Variants in KDM7A observed in about 807,000 individuals in gnomAD.
KDM7A encodes lysine-specific demethylase 7A.
Under a neutral mutation model 114.8 loss-of-function variants are expected in KDM7A, and 28 were observed. The ratio of observed to expected loss-of-function variants is 0.24; its 90% CI spans 0.18 to 0.33. The LOEUF (loss-of-function observed/expected upper bound fraction) is 0.33, where lower values mean the gene tolerates loss of function less well. Among genes scored for constraint, KDM7A ranks in the 10% least tolerant of loss-of-function variants. The probability of loss-of-function intolerance (pLI) is 1.00; values close to 1 mark genes in which losing one functional copy is unlikely to be tolerated. For synonymous variants in KDM7A, 423 were observed against 397.8 expected (o/e 1.06, Z -0.75); for missense variants, 942 against 1,142.5 (o/e 0.82, Z 2.53).
intron 1 of KDM7A, among the ~76,000 whole-genome samples, chr7:140,168,567 CAA>C (rs34680636): frequency 4.5e-5 from 5 of 110,134 alleles, no homozygotes; most frequent in Admixed American, 9.4e-5. Flanking sequence ...GACTCTATCT[CAA>C]AAAAAAAAAA....
At chr7:140,169,127 C>G (rs1794610308) in intron 1 of KDM7A, among the ~76,000 whole-genome samples, 1 of 152,094 alleles carries the variant, frequency 6.6e-6, no homozygotes, top group Admixed American at 6.5e-5. Context: ...ACAGGGCTCA[C>G]ACATATAGAC....
rs181253541 is a variant in KDM7A at position 140,156,814 on chromosome 7, A to G, written c.195-17624T>C. On this transcript the variant is annotated intron_variant, in intron 1 of 19. Coordinates refer to ENST00000397560, the MANE Select transcript of KDM7A (RefSeq NM_030647.2). ...GTATTTCACAGAGACAGAGACAGAGATGGAAATAGAGAAAGCCAGGGGATC... is the reference window on the plus strand; with the variant it reads ...GTATTTCACAGAGACAGAGACAGAGGTGGAAATAGAGAAAGCCAGGGGATC... 3.3e-5 allele frequency among the ~76,000 whole-genome samples: 5 copies of G among 152,312 alleles called. No homozygotes were observed. In the East Asian group the frequency reaches 9.6e-4, roughly 29 times the overall value.
In KDM7A at chr7:140,100,715, T is replaced by TATATATATATATATATATACAC. The variant is rs71170940; in HGVS notation, c.1639-693_1639-692insGTGTATATATATATATATATAT. ...ATATATATATATATATATACACATA[T>TATATATATATATATATATACAC]ATATATATATATATATATATATATA... On this transcript the variant is annotated intron_variant, in intron 12 of 19. Coordinates refer to ENST00000397560, the MANE Select transcript of KDM7A (RefSeq NM_030647.2). Among the ~76,000 whole-genome samples, 344 of 48,830 alleles carry TATATATATATATATATATACAC rather than the reference T, an allele frequency of 7.0e-3. 5 individuals are homozygous for TATATATATATATATATATACAC. Among genetic ancestry groups the TATATATATATATATATATACAC allele is most frequent in the Non-Finnish European group, 0.012 (267 of 22,438 alleles). The allele number at this position is 48,830 out of a possible 152,430, so 32.0% of individuals were successfully genotyped here.
chr7:140,120,600 G>A (rs1818604213), intron 7 of KDM7A, 71 bp from the exon 8 acceptor site: 1 of 839,414 alleles, frequency 1.2e-6, no homozygotes, highest in Non-Finnish European at 2.1e-6. Flanking sequence ...ATATCTACCT[G>A]TGAAGTAACT....
chr7:140,102,037 T>C lies in KDM7A; in HGVS notation c.1552A>G (p.Asn518Asp), dbSNP rs201003061. The C allele has an allele frequency of 3.1e-6, 5 of 1,614,062 alleles. No individual in the cohort carries two copies. The highest frequency in any genetic ancestry group is 2.2e-5 in the East Asian group (1 of 44,880). The change falls in exon 12 of 20, where the codon AAT becomes GAT. Residue 518 changes from asparagine (N) to aspartate (D), a missense_variant. Asn to Asp is a conservative substitution (Grantham distance 23). This residue lies in a region of KDM7A where 512 missense variants were observed against 576.6 expected (regional missense o/e 0.89). Transcript: ENST00000397560. Reference sequence around the variant, plus strand: ...TCTAGGTTAGAAGGAGTTCGGACATTATGATCTCGAAGTTTCCTCATCTTT... The same window carrying C: ...TCTAGGTTAGAAGGAGTTCGGACATCATGATCTCGAAGTTTCCTCATCTTT... The part of the protein sequence containing the change: ...RRKMRKLRDH[N>D]VRTPSNLDIL...
intron 9 of KDM7A, among the ~76,000 whole-genome samples, chr7:140,114,660 G>C (rs576690158): frequency 6.6e-6 from 1 of 151,666 alleles, no homozygotes; most frequent in Non-Finnish European, 1.5e-5. Context: ...CCCTCTGCCC[G>C]GCTGCCCAGT....
At chr7:140,129,465 C>T in intron 4 of KDM7A, 28 bp downstream of exon 4, 1 of 1,568,046 alleles carries the variant, frequency 6.4e-7, no homozygotes, top group Non-Finnish European at 8.8e-7. Flanking sequence ...CATGTTTTCC[C>T]AGGTACTTAA....
intron 1 of KDM7A, among the ~76,000 whole-genome samples, chr7:140,148,243 T>G (rs1018016920): frequency 2.5e-4 from 38 of 151,974 alleles, no homozygotes; most frequent in African/African-American, 8.9e-4. Flanking sequence ...AAGAGAGAAT[T>G]TGTTTTCTAT....
intron 3 of KDM7A, 75 bp from the exon 4 acceptor site, chr7:140,129,728 G>T (rs1818757465): frequency 4.6e-6 from 4 of 863,550 alleles, no homozygotes; most frequent in Non-Finnish European, 5.7e-6. Flanking sequence ...GTAGTGATGG[G>T]TTAATTCATA....
In KDM7A at chr7:140,090,887, C is replaced by T; in HGVS notation, c.*207G>A. ...GGTCTCTTTTTAAGGTTCTACCCTCCTTCTTCCTCTCCCCCACCAGGTCCA... is the reference window on the plus strand; with the variant it reads ...GGTCTCTTTTTAAGGTTCTACCCTCTTTCTTCCTCTCCCCCACCAGGTCCA... On this transcript the variant is annotated 3_prime_UTR_variant, in exon 20 of 20. Coordinates refer to ENST00000397560, the MANE Select transcript of KDM7A (RefSeq NM_030647.2). The T allele has an allele frequency of 1.8e-6, 1 of 542,206 alleles. No homozygotes were observed. Among genetic ancestry groups the T allele is most frequent in the Non-Finnish European group, 3.3e-6 (1 of 303,098 alleles). The allele number at this position is 542,206 out of a possible 1,614,324, so 33.6% of individuals were successfully genotyped here. A position where few individuals can be genotyped will look rare whatever the true frequency, so the allele number is the denominator to read the frequency against.
chr7:140,170,966 TG>T (rs1347958327), intron 1 of KDM7A, among the ~76,000 whole-genome samples: 14 of 152,130 alleles, frequency 9.2e-5, no homozygotes, highest in Non-Finnish European at 1.8e-4. Context: ...ATGGCACATC[TG>T]TAATCCCAGC....
intron 9 of KDM7A, among the ~76,000 whole-genome samples, chr7:140,117,462 G>A (rs1189022655): frequency 7.4e-6 from 1 of 135,302 alleles, no homozygotes; most frequent in Admixed American, 7.3e-5. Flanking sequence ...ATCACCCCAA[G>A]GGTAGAGGCG....
At chr7:140,111,281 G>A (rs1756332147) in intron 10 of KDM7A, 97 bp from the exon 11 acceptor site, 1 of 707,070 alleles carries the variant, frequency 1.4e-6, no homozygotes, top group Non-Finnish European at 2.4e-6. Context: ...TCTCTAAACT[G>A]TTACAGACAT....
In KDM7A at chr7:140,176,734, G is replaced by A. The variant is rs916944926; in HGVS notation, c.194+10C>T. The A allele has an allele frequency of 1.4e-5, 18 of 1,322,606 alleles. No individual in the cohort carries two copies. Among genetic ancestry groups the A allele is most frequent in the South Asian group, 1.1e-4 (7 of 65,114 alleles). The allele number at this position is 1,322,606 out of a possible 1,614,324, so 81.9% of individuals were successfully genotyped here. ...GGTGGCGGCTGCGGGGCTGGAGGGG[G>A]TTTATTTACCTGCCGTGGAACCAGT... On this transcript the variant is annotated intron_variant, in intron 1 of 19. Coordinates refer to ENST00000397560, the MANE Select transcript of KDM7A (RefSeq NM_030647.2). The surrounding 1 kb of genome is among the most constrained non-coding windows in gnomAD (Gnocchi z 4.4).
chr7:140,110,568 C>T (rs939593996), intron 11 of KDM7A, among the ~76,000 whole-genome samples: 1 of 152,142 alleles, frequency 6.6e-6, no homozygotes, highest in Non-Finnish European at 1.5e-5. Flanking sequence ...TGAAGAATTA[C>T]TTTAAAACAC....
At chr7:140,120,831 T>C (rs952191206) in intron 7 of KDM7A, among the ~76,000 whole-genome samples, 4 of 152,214 alleles carry the variant, frequency 2.6e-5, no homozygotes, top group African/African-American at 4.8e-5. Context: ...GATCTCAAAC[T>C]CCTGGCCTCA....
At chr7:140,116,962 T>C (rs1818540200) in intron 9 of KDM7A, among the ~76,000 whole-genome samples, 1 of 152,182 alleles carries the variant, frequency 6.6e-6, no homozygotes, top group Non-Finnish European at 1.5e-5. Context: ...TAGAACAGTC[T>C]GAGAGCTGGC....
At position 140,176,482 on chromosome 7, in the gene KDM7A, C is replaced by T. The variant is rs1312882214; in HGVS notation, c.194+262G>A. 7.5e-5 allele frequency among the ~76,000 whole-genome samples: 11 copies of T among 146,682 alleles called. 1 individual carries two copies. Among genetic ancestry groups the T allele is most frequent in the Admixed American group, 7.4e-4 (11 of 14,796 alleles). Reference sequence around the variant, plus strand: ...CCCCAGGCTCCCCCTGCCAACTTATCCGCCGGCCCTCTTTGTTCGTGTTTG... The same window carrying T: ...CCCCAGGCTCCCCCTGCCAACTTATTCGCCGGCCCTCTTTGTTCGTGTTTG... On this transcript the variant is annotated intron_variant, in intron 1 of 19. Transcript: ENST00000397560. The surrounding 1 kb of genome is among the most constrained non-coding windows in gnomAD (Gnocchi z 4.4).
chr7:140,097,765 CCT>C (rs1818140345), intron 14 of KDM7A, 123 bp from the exon 15 acceptor site: 1 of 569,550 alleles, frequency 1.8e-6, no homozygotes, highest in Non-Finnish European at 3.2e-6. Context: ...GCTCTACCCT[CCT>C]TTTTCACTTT....
Sources: allele counts gnomAD v4.1 joint callset (sites outside exome capture counted in the v4.1 genomes callset), GRCh38; gene constraint gnomAD v4.1.1; regional missense constraint gnomAD v4.1.1; non-coding constraint Gnocchi (gnomAD v3.1); transcripts MANE v1.5; gene names NCBI Gene and HGNC (gene_info 2026-07-23, HGNC 2026-07-21).